The following PLCB1 variants were observed in gnomAD, a reference collection of about 807,000 sequenced individuals.
PLCB1 encodes phospholipase C beta 1.
A neutral mutation model predicts 161.8 loss-of-function variants in PLCB1; 46 were observed. The observed-to-expected ratio is 0.28, with a 90% CI of 0.22 to 0.36. The LOEUF is 0.36. Ranked by LOEUF, PLCB1 falls within the 10% of genes least tolerant of loss-of-function variation. The pLI is 1.00. For synonymous variants in PLCB1, 517 were observed against 503.7 expected (o/e 1.03, Z -0.35); for missense variants, 1,016 against 1,472.5 (o/e 0.69, Z 5.07).
intron 1 of PLCB1, among the ~76,000 whole-genome samples, chr20:8,140,034 A>G (rs1292672594): frequency 6.6e-6 from 1 of 152,188 alleles, no homozygotes; most frequent in African/African-American, 2.4e-5. Context: ...TTTCTGTAAT[A>G]GTTCTTCAGT....
intron 7 of PLCB1, among the ~76,000 whole-genome samples, chr20:8,656,956 C>G (rs1202131564): frequency 6.6e-6 from 1 of 151,552 alleles, no homozygotes; most frequent in East Asian, 1.9e-4. Context: ...GGTTTGACAC[C>G]CTAAAGCCAG....
intron 2 of PLCB1, among the ~76,000 whole-genome samples, chr20:8,287,722 TACTC>T (rs1410993109): frequency 1.3e-5 from 2 of 152,200 alleles, no homozygotes; most frequent in Admixed American, 6.5e-5. Context: ...AACTAGTAAT[TACTC>T]ACGGAATTTA....
At chr20:8,802,152 T>C (rs1202391184) in intron 31 of PLCB1, 1 of 1,605,722 alleles carries the variant, frequency 6.2e-7, no homozygotes, top group Non-Finnish European at 8.5e-7. Context: ...TCTCAAGTGG[T>C]GACCACCGTC....
rs139962835 is a variant in PLCB1 at position 8,132,482 on chromosome 20, C to T, written c.-170C>T. On this transcript the variant is annotated 5_prime_UTR_variant, in exon 1 of 32. Coordinates refer to ENST00000338037, the MANE Select transcript of PLCB1 (RefSeq NM_015192.4). The surrounding 1 kb of genome is among the most constrained non-coding windows in gnomAD (Gnocchi z 5.2). ...GCCCCCGCGCGCTCTGCCTGCTGAG[C>T]GGCGCCGGAGGGAGGTGCGGAGGCC... The T allele has an allele frequency of 5.6e-6, 2 of 354,106 alleles. No individual in the cohort carries two copies. The highest frequency in any genetic ancestry group is 4.8e-5 in the Admixed American group (1 of 20,722). The allele number at this position is 354,106 out of a possible 1,614,324, so 21.9% of individuals were successfully genotyped here. A position where few individuals can be genotyped will look rare whatever the true frequency, so the allele number is the denominator to read the frequency against.
intron 2 of PLCB1, among the ~76,000 whole-genome samples, chr20:8,361,624 A>G (rs1476228975): frequency 6.6e-6 from 1 of 152,184 alleles, no homozygotes; most frequent in Non-Finnish European, 1.5e-5. Flanking sequence ...GAAGGCATTT[A>G]AGTCCTATAA....
chr20:8,789,445 C>G lies in PLCB1; in HGVS notation c.3279-73C>G, dbSNP rs1433800536. ...TGTTGAGAGTTCTGTAACCTTTTAT[C>G]TAGAAGTCTGAGATTACCATTTGTC... On this transcript the variant is annotated intron_variant, in intron 29 of 31. Coordinates refer to ENST00000338037, the MANE Select transcript of PLCB1 (RefSeq NM_015192.4). 6 of 936,316 alleles carry G rather than the reference C, an allele frequency of 6.4e-6. No individual in the cohort carries two copies. In the Middle Eastern group the frequency reaches 8.5e-4, roughly 133 times the overall value. 58.0% of individuals were successfully genotyped at this position (936,316 alleles called of 1,614,324 possible).
At chr20:8,573,275 AG>A (rs1600162340) in intron 3 of PLCB1, among the ~76,000 whole-genome samples, 1 of 152,196 alleles carries the variant, frequency 6.6e-6, no homozygotes, top group Admixed American at 6.5e-5. Context: ...CTCTAGAAAA[AG>A]GAGGACAAAC....
At chr20:8,448,606 A>G (rs149044482) in intron 3 of PLCB1, among the ~76,000 whole-genome samples, 226 of 152,356 alleles carry the variant, frequency 1.5e-3, no homozygotes, top group African/African-American at 5.2e-3. Flanking sequence ...TTGGGACAGA[A>G]ATAACAATAT....
intron 2 of PLCB1, among the ~76,000 whole-genome samples, chr20:8,245,581 G>T (rs1179155604): frequency 6.6e-6 from 1 of 151,798 alleles, no homozygotes; most frequent in Non-Finnish European, 1.5e-5. Flanking sequence ...GAAAGCTTTG[G>T]CCTCAGAAAC....
At chr20:8,517,307 G>C (rs1185718027) in intron 3 of PLCB1, among the ~76,000 whole-genome samples, 1 of 152,146 alleles carries the variant, frequency 6.6e-6, no homozygotes, top group African/African-American at 2.4e-5. Flanking sequence ...GTTGCTCTGA[G>C]AGGCGTCGTC....
intron 2 of PLCB1, among the ~76,000 whole-genome samples, chr20:8,207,603 C>T (rs553900496): frequency 2.4e-4 from 36 of 152,026 alleles, no homozygotes; most frequent in African/African-American, 8.0e-4. Flanking sequence ...TTTTAAGACA[C>T]GAGATCTTGG....
intron 11 of PLCB1, among the ~76,000 whole-genome samples, chr20:8,707,284 G>T (rs768645293): frequency 6.6e-6 from 1 of 152,042 alleles, no homozygotes; most frequent in South Asian, 2.1e-4. Context: ...TATAAAGAAC[G>T]CTATATATTG....
At chr20:8,553,620 T>C (rs1268953097) in intron 3 of PLCB1, among the ~76,000 whole-genome samples, 1 of 152,106 alleles carries the variant, frequency 6.6e-6, no homozygotes, top group Non-Finnish European at 1.5e-5. Context: ...GCATTTGAGG[T>C]GTGGAAACTT....
At chr20:8,417,635 C>T (rs1465674853) in intron 3 of PLCB1, among the ~76,000 whole-genome samples, 1 of 152,118 alleles carries the variant, frequency 6.6e-6, no homozygotes, top group Non-Finnish European at 1.5e-5. Flanking sequence ...AGAGCCATGT[C>T]ATAATAAAAG....
chr20:8,764,213 C>T (rs1412090303), intron 25 of PLCB1, among the ~76,000 whole-genome samples: 3 of 152,076 alleles, frequency 2.0e-5, no homozygotes, highest in African/African-American at 7.2e-5. Flanking sequence ...GTAAAGTGGG[C>T]TGCTAGTAAG....
intron 2 of PLCB1, among the ~76,000 whole-genome samples, chr20:8,224,578 A>G (rs915817108): frequency 6.6e-5 from 10 of 152,196 alleles, no homozygotes; most frequent in Non-Finnish European, 1.5e-4. Context: ...TGTAATCATC[A>G]CGCAGCATAT....
intron 5 of PLCB1, among the ~76,000 whole-genome samples, chr20:8,647,287 T>G (rs912925312): frequency 6.6e-6 from 1 of 152,236 alleles, no homozygotes; most frequent in Admixed American, 6.5e-5. Flanking sequence ...AAATAACATG[T>G]TTTATCTGAA....
intron 31 of PLCB1, among the ~76,000 whole-genome samples, chr20:8,793,020 C>T (rs1422362423): frequency 2.0e-5 from 3 of 152,174 alleles, no homozygotes; most frequent in Non-Finnish European, 4.4e-5. Flanking sequence ...GTAACACTGG[C>T]TTTGAAATAA....
At chr20:8,493,203 T>G (rs958263975) in intron 3 of PLCB1, among the ~76,000 whole-genome samples, 3 of 152,168 alleles carry the variant, frequency 2.0e-5, no homozygotes, top group African/African-American at 7.2e-5. Context: ...CAGTCCTATA[T>G]GTCATCTATC....
Sources: allele counts gnomAD v4.1 joint callset (sites outside exome capture counted in the v4.1 genomes callset), GRCh38; gene constraint gnomAD v4.1.1; non-coding constraint Gnocchi (gnomAD v3.1); transcripts MANE v1.5; gene names NCBI Gene and HGNC (gene_info 2026-07-23, HGNC 2026-07-21).